The following CDH8 variants were observed in gnomAD, a reference collection of about 807,000 sequenced individuals.
CDH8 encodes the protein cadherin 8.
CDH8 carries 17 observed loss-of-function variants against 68.1 expected under a neutral mutation model. The ratio of observed to expected loss-of-function variants is 0.25; its 90% CI spans 0.17 to 0.37. CDH8 has a LOEUF of 0.37. Among genes scored for constraint, CDH8 ranks in the 10% least tolerant of loss-of-function variants. The pLI is 1.00. For missense variants in CDH8, 763 were observed against 999.3 expected, an observed-to-expected ratio of 0.76 and a Z score of 3.19; for synonymous variants, 372 against 365.1, an observed-to-expected ratio of 1.02 and a Z score of -0.21.
chr16:61,977,503 C>T (rs371354127), intron 2 of CDH8, among the ~76,000 whole-genome samples: 3 of 152,082 alleles, frequency 2.0e-5, no homozygotes, highest in African/African-American at 7.2e-5. Context: ...AAATTCTTAT[C>T]TATAAAAGTG....
chr16:62,018,678 A>G (rs12929572), intron 2 of CDH8, among the ~76,000 whole-genome samples: 45,152 of 152,170 alleles, frequency 0.3, 8,173 homozygotes, highest in East Asian at 0.63. Flanking sequence ...TGTTCGCAGA[A>G]AAGTTTTCCA....
In CDH8 at chr16:61,649,076, T is replaced by C. The variant is rs535861842; in HGVS notation, c.*4532A>G. The stretch of plus-strand genomic sequence containing the variant: ...ACACTTTTTATAGCAAATAAAACAG[T>C]ATTGAAATTGAAAAAATATAGAAAA... On this transcript the variant is annotated 3_prime_UTR_variant, in exon 12 of 12. Transcript: ENST00000577390. 2.6e-5 allele frequency: 4 copies of C among 152,108 alleles called. No homozygotes were observed. Among genetic ancestry groups the C allele is most frequent in the Non-Finnish European group, 4.4e-5 (3 of 67,916 alleles). 9.4% of individuals were successfully genotyped at this position (152,108 alleles called of 1,614,324 possible).
intron 9 of CDH8, chr16:61,726,650 C>G (rs1959378269): frequency 5.0e-6 from 1 of 198,282 alleles, no homozygotes; most frequent in South Asian, 1.9e-4. Context: ...TTTCAATATT[C>G]ACTTCCTACA....
chr16:61,922,201 G>A (rs1964380937), intron 2 of CDH8, among the ~76,000 whole-genome samples: 1 of 152,132 alleles, frequency 6.6e-6, no homozygotes, highest in African/African-American at 2.4e-5. Context: ...AAAGAATCCA[G>A]GCCTTTGATA....
chr16:61,870,990 C>G (rs2143047293), intron 3 of CDH8, among the ~76,000 whole-genome samples: 1 of 152,114 alleles, frequency 6.6e-6, no homozygotes, highest in Admixed American at 6.6e-5. Context: ...TTTCAGATTT[C>G]CAAAAGAGGA....
intron 4 of CDH8, among the ~76,000 whole-genome samples, chr16:61,832,967 A>C (rs577574625): frequency 2.6e-4 from 39 of 151,780 alleles, no homozygotes; most frequent in African/African-American, 8.4e-4. Flanking sequence ...CTATAAGAAG[A>C]AGCACAGATC....
At chr16:61,826,814 T>C (rs370836362) in intron 4 of CDH8, among the ~76,000 whole-genome samples, 1 of 151,784 alleles carries the variant, frequency 6.6e-6, no homozygotes, top group Non-Finnish European at 1.5e-5. Flanking sequence ...CTTATACACT[T>C]TATTAGACTC....
At chr16:61,669,332 A>T (rs531075892) in intron 10 of CDH8, among the ~76,000 whole-genome samples, 1 of 152,184 alleles carries the variant, frequency 6.6e-6, no homozygotes, top group South Asian at 2.1e-4. Flanking sequence ...TCACTGGCAC[A>T]GGAAAGTCTT....
intron 2 of CDH8, among the ~76,000 whole-genome samples, chr16:61,974,690 ATT>A (rs1965405039): frequency 6.6e-6 from 1 of 152,118 alleles, no homozygotes; most frequent in African/African-American, 2.4e-5. Context: ...TTCTCTGCAT[ATT>A]TTGTTTCAGC....
At chr16:61,742,026 G>C (rs59243311) in intron 8 of CDH8, among the ~76,000 whole-genome samples, 78,545 of 151,832 alleles carry the variant, frequency 0.52, 21,959 homozygotes, top group African/African-American at 0.73. Flanking sequence ...TCTTTTGTGT[G>C]TTTAATCTGT....
intron 2 of CDH8, among the ~76,000 whole-genome samples, chr16:61,920,396 C>A (rs1964341041): frequency 6.7e-6 from 1 of 148,212 alleles, no homozygotes; most frequent in Admixed American, 6.7e-5. Context: ...TGAACTCAAA[C>A]AAATTTACAA....
rs147623938 is a variant in CDH8 at position 62,018,461 on chromosome 16, G to A, written c.252+2691C>T. Among the ~76,000 whole-genome samples, 9 of 152,246 alleles carry A rather than the reference G, an allele frequency of 5.9e-5. No individual in the cohort carries two copies. In the East Asian group the frequency reaches 9.7e-4, roughly 16 times the overall value. ...GGGAGGTGAAGTGGTTTAAAGAGTC[G>A]GATGTGGAAGAGTGTGCACAGAGGT... is the stretch of plus-strand genomic sequence containing the variant. On this transcript the variant is annotated intron_variant, in intron 2 of 11. Transcript: ENST00000577390.
chr16:61,931,131 G>A (rs1219303213), intron 2 of CDH8, among the ~76,000 whole-genome samples: 1 of 151,966 alleles, frequency 6.6e-6, no homozygotes, highest in Non-Finnish European at 1.5e-5. Context: ...CACTTAAAAC[G>A]AAAAAGTTGA....
Position 61,649,158 on chromosome 16 carries a change from A to G in CDH8, c.*4450T>C, listed in dbSNP as rs1332270275. On this transcript the variant is annotated 3_prime_UTR_variant, in exon 12 of 12. Coordinates refer to ENST00000577390, the MANE Select transcript of CDH8 (RefSeq NM_001796.5). The stretch of plus-strand genomic sequence containing the variant: ...TTTGTCCACAAAAAAATACAATGAC[A>G]TTTAAAAAGTCTAAGTACAGCCTCA... 3.3e-5 allele frequency: 5 copies of G among 151,996 alleles called. No homozygotes were observed. Among genetic ancestry groups the G allele is most frequent in the Non-Finnish European group, 7.4e-5 (5 of 67,950 alleles). The allele number at this position is 151,996 out of a possible 1,614,324, so 9.4% of individuals were successfully genotyped here. A position where few individuals can be genotyped will look rare whatever the true frequency, so the allele number is the denominator to read the frequency against.
intron 3 of CDH8, among the ~76,000 whole-genome samples, chr16:61,893,945 T>C (rs76642079): frequency 6.6e-6 from 1 of 152,260 alleles, no homozygotes; most frequent in East Asian, 1.9e-4. Flanking sequence ...GCAGCTCTCA[T>C]AGTAATCATT....
intron 2 of CDH8, among the ~76,000 whole-genome samples, chr16:61,994,984 G>T (rs1274870796): frequency 6.6e-6 from 1 of 152,114 alleles, no homozygotes; most frequent in Non-Finnish European, 1.5e-5. Flanking sequence ...TAACAAACCT[G>T]CCTGAAAGTT....
At chr16:61,792,709 C>T (rs2142994934) in intron 7 of CDH8, among the ~76,000 whole-genome samples, 1 of 152,076 alleles carries the variant, frequency 6.6e-6, no homozygotes, top group Middle Eastern at 3.4e-3. Context: ...ATAAACCAAA[C>T]ACATAAAGGG....
chr16:61,999,705 T>A (rs1965861718), intron 2 of CDH8, among the ~76,000 whole-genome samples: 1 of 152,208 alleles, frequency 6.6e-6, no homozygotes, highest in African/African-American at 2.4e-5. Flanking sequence ...TCGCTTTCCG[T>A]GTGTCTCTGA....
intron 10 of CDH8, chr16:61,667,783 T>G (rs907524159): frequency 1.3e-5 from 2 of 152,074 alleles, no homozygotes; most frequent in African/African-American, 4.8e-5. Flanking sequence ...TATGATTTAC[T>G]GAGTCACAGC....
Sources: allele counts gnomAD v4.1 joint callset (sites outside exome capture counted in the v4.1 genomes callset), GRCh38; gene constraint gnomAD v4.1.1; transcripts MANE v1.5; gene names NCBI Gene and HGNC (gene_info 2026-07-23, HGNC 2026-07-21).